POLQ: variants seen among roughly 807,000 people sequenced by gnomAD.
POLQ encodes epididymis secretory sperm binding protein.
POLQ carries 233 observed loss-of-function variants against 259.2 expected under a neutral mutation model. The observed-to-expected ratio is 0.90, with a 90% CI of 0.81 to 1.00. The LOEUF (loss-of-function observed/expected upper bound fraction) is 1.00, where lower values mean the gene tolerates loss of function less well. Among genes scored for constraint, POLQ ranks in the 50% least tolerant of loss-of-function variants. The pLI is 0.00. For synonymous variants in POLQ, 1,025 were observed against 1,048.8 expected, an observed-to-expected ratio of 0.98 and a Z score of 0.44; for missense variants, 2,871 against 3,051.6, an observed-to-expected ratio of 0.94 and a Z score of 1.39.
intron 18 of POLQ, among the ~76,000 whole-genome samples, chr3:121,482,995 T>G (rs2047982632): frequency 6.6e-6 from 1 of 152,218 alleles, no homozygotes; most frequent in South Asian, 2.1e-4. Flanking sequence ...TTTGTCATCT[T>G]ATTCACACTC....
At position 121,512,084 on chromosome 3, in the gene POLQ, T is replaced by G. The variant is rs1237719582; in HGVS notation, c.1469-55A>C. 10 of 1,462,602 alleles carry G rather than the reference T, an allele frequency of 6.8e-6. No individual in the cohort carries two copies. In the African/African-American group the frequency reaches 7.1e-5, roughly 10 times the overall value. The allele number at this position is 1,462,602 out of a possible 1,614,324, so 90.6% of individuals were successfully genotyped here. On this transcript the variant is annotated intron_variant, in intron 9 of 29. Coordinates refer to ENST00000264233, the MANE Select transcript of POLQ (RefSeq NM_199420.4). The stretch of plus-strand genomic sequence containing the variant: ...TCCCAATATAGTTCCATAAGATATC[T>G]GCTAAAGAGATTTTAAGTTGCCTTA...
chr3:121,472,213 G>A (rs751682357), intron 21 of POLQ, 49 bp from the exon 22 acceptor site: 5 of 860,122 alleles, frequency 5.8e-6, no homozygotes, highest in South Asian at 2.5e-5. Context: ...AAATTCCACA[G>A]CAAGCTAGAA....
chr3:121,520,508 C>A (rs1479796893), intron 8 of POLQ, among the ~76,000 whole-genome samples: 2 of 152,130 alleles, frequency 1.3e-5, no homozygotes, highest in African/African-American at 4.8e-5. Context: ...TGCACTCCAG[C>A]CTGGGCAACA....
At chr3:121,495,043 G>A (rs762793510) in intron 14 of POLQ, 93 of 501,834 alleles carry the variant, frequency 1.9e-4, no homozygotes, top group East Asian at 3.8e-4. Context: ...AGGCCAAGTC[G>A]AGCAGATCAT....
chr3:121,456,460 A>G (rs187904788), intron 25 of POLQ, among the ~76,000 whole-genome samples: 1,648 of 152,320 alleles, frequency 0.011, 74 homozygotes, highest in Admixed American at 0.075. Flanking sequence ...TTTGCAGATG[A>G]CATGACTGTA....
chr3:121,450,033 C>G (rs2047661491), intron 25 of POLQ, among the ~76,000 whole-genome samples: 1 of 152,168 alleles, frequency 6.6e-6, no homozygotes, highest in Non-Finnish European at 1.5e-5. Flanking sequence ...CTGGTTTAAT[C>G]ACAAGGACGG....
intron 24 of POLQ, among the ~76,000 whole-genome samples, chr3:121,463,227 G>A (rs576688190): frequency 2.0e-5 from 3 of 152,262 alleles, no homozygotes; most frequent in South Asian, 4.1e-4. Context: ...TAGTGAGTCC[G>A]TCTCACGAGA....
intron 16 of POLQ, among the ~76,000 whole-genome samples, chr3:121,486,525 G>A (rs1214537296): frequency 6.6e-6 from 1 of 151,352 alleles, no homozygotes; most frequent in Middle Eastern, 3.3e-3. Context: ...CTGTACTCCA[G>A]CCTGGCCAAT....
intron 20 of POLQ, among the ~76,000 whole-genome samples, chr3:121,474,600 TGGAAG>T (rs2047911481): frequency 6.6e-6 from 1 of 152,230 alleles, no homozygotes; most frequent in South Asian, 2.1e-4. Context: ...GAGCCAGGGG[TGGAAG>T]GGAAGATAAT....
At position 121,469,204 on chromosome 3, in the gene POLQ, A is replaced by T. The variant is rs79077691; in HGVS notation, c.6719-773T>A. 2.0e-5 allele frequency among the ~76,000 whole-genome samples: 3 copies of T among 150,834 alleles called. 1 individual carries two copies. Among genetic ancestry groups the T allele is most frequent in the Admixed American group, 2.0e-4 (3 of 15,108 alleles). On this transcript the variant is annotated intron_variant, in intron 22 of 29. Transcript: ENST00000264233. ...CTGTCTCAAAAAAAAAAAAAAAAAA[A>T]TGCTTATAAAGCCTTTATTTCCAAA...
rs770771469 is a variant in POLQ at position 121,485,190 on chromosome 3, T to C, written c.5630-6A>G. On this transcript the variant is annotated splice_polypyrimidine_tract_variant and splice_region_variant and intron_variant, in intron 16 of 29. Transcript: ENST00000264233. The stretch of plus-strand genomic sequence containing the variant: ...AATTTCCTGAGGTGAGCTAGCTAAG[T>C]AAAACAAAAGTGAAACAGTTAAAAA... The C allele has an allele frequency of 7.7e-6, 12 of 1,558,390 alleles. No individual in the cohort carries two copies. The Admixed American group carries it at 2.4e-4, about 31-fold the overall frequency.
chr3:121,434,036 T>C (rs1182351302), intron 28 of POLQ, among the ~76,000 whole-genome samples: 1 of 152,236 alleles, frequency 6.6e-6, no homozygotes, highest in Non-Finnish European at 1.5e-5. Context: ...GTTCACCTGT[T>C]CAGCTGAAAT....
intron 12 of POLQ, among the ~76,000 whole-genome samples, chr3:121,506,404 A>AAT (rs1482753012): frequency 7.8e-6 from 1 of 128,484 alleles, no homozygotes; most frequent in Non-Finnish European, 1.7e-5. Context: ...ATTTTCATCC[A>AAT]ACCTCCTCAC....
chr3:121,473,579 T>G, intron 20 of POLQ, 92 bp from the exon 21 acceptor site: 6 of 1,100,010 alleles, frequency 5.5e-6, no homozygotes, highest in Non-Finnish European at 7.9e-6. Context: ...AAACAATCTC[T>G]ACAGTTCAAC....
In POLQ at chr3:121,493,672, T is replaced by C. The variant is rs775419492; in HGVS notation, c.2328A>G (p.Leu776=). ...SNRLGWHNME[L]LLSQFQKRLT... ...GACGCTTCTGAAATTGGGAAAGTAG[T>C]AGTTCCATGTTGTGCCAGCCCAGAC... The change falls in exon 15 of 30, where the codon CTA becomes CTG. Residue 776 remains leucine (L), a synonymous_variant. Transcript: ENST00000264233. 9.3e-6 allele frequency: 15 copies of C among 1,613,588 alleles called. No homozygotes were observed. In the Admixed American group the frequency reaches 2.2e-4, roughly 23 times the overall value.
At chr3:121,541,919 G>T (rs1474062150) in intron 2 of POLQ, among the ~76,000 whole-genome samples, 1 of 151,918 alleles carries the variant, frequency 6.6e-6, no homozygotes, top group South Asian at 2.1e-4. Flanking sequence ...GAGGTCAGGA[G>T]TTTGAAACCA....
chr3:121,485,376 C>A (rs1295598297), intron 16 of POLQ, among the ~76,000 whole-genome samples, 192 bp from the exon 17 acceptor site: 1 of 152,066 alleles, frequency 6.6e-6, no homozygotes, highest in African/African-American at 2.4e-5. Context: ...ATAACTGTCA[C>A]TATGAAAAAG....
At chr3:121,509,980 C>A (rs2048240424) in intron 11 of POLQ, 59 bp downstream of exon 11, 1 of 1,315,308 alleles carries the variant, frequency 7.6e-7, no homozygotes, top group South Asian at 1.2e-5. Flanking sequence ...ACTGAGCAGT[C>A]ATACAACCTC....
intron 25 of POLQ, among the ~76,000 whole-genome samples, chr3:121,451,224 T>C (rs1032684886): frequency 2.0e-5 from 3 of 152,206 alleles, no homozygotes; most frequent in Non-Finnish European, 4.4e-5. Flanking sequence ...TTCTTTGCAA[T>C]GGGTCCAAAC....
Sources: gnomAD v4.1 joint callset for allele counts (sites outside exome capture counted in the v4.1 genomes callset) on GRCh38, gnomAD v4.1.1 for gene constraint, MANE v1.5 for transcripts, NCBI Gene and HGNC (gene_info 2026-07-23, HGNC 2026-07-21) for gene names.